The following NLGN1 variants were observed in gnomAD, a reference collection of about 807,000 sequenced individuals.
The protein encoded by NLGN1 is neuroligin 1, also known as neuroligin-1.
NLGN1 carries 12 observed loss-of-function variants against 65.5 expected under a neutral mutation model. That is an observed-to-expected ratio of 0.18 (90% CI 0.12 to 0.30). NLGN1 has a LOEUF of 0.30. NLGN1 is among the 10% of genes least tolerant of loss of function. NLGN1 has a pLI of 1.00. For missense variants in NLGN1, 750 were observed against 1,007.1 expected (o/e 0.74, Z 3.46); for synonymous variants, 350 against 359.5 (o/e 0.97, Z 0.30).
At chr3:173,502,309 A>G (rs1484883946) in intron 2 of NLGN1, among the ~76,000 whole-genome samples, 2 of 152,082 alleles carry the variant, frequency 1.3e-5, no homozygotes, top group Non-Finnish European at 2.9e-5. Flanking sequence ...CCAATTTCCA[A>G]AGTATATAAA....
intron 2 of NLGN1, among the ~76,000 whole-genome samples, chr3:173,603,985 C>T (rs1368302027): frequency 6.6e-6 from 1 of 151,992 alleles, no homozygotes; most frequent in African/African-American, 2.4e-5. Flanking sequence ...AAATTTCACA[C>T]CTAACATTCA....
chr3:173,509,283 G>T (rs1052813616), intron 2 of NLGN1, among the ~76,000 whole-genome samples: 12 of 152,126 alleles, frequency 7.9e-5, no homozygotes, highest in African/African-American at 2.9e-4. Context: ...TTAACATTTA[G>T]ATATTTTTAA....
intron 4 of NLGN1, among the ~76,000 whole-genome samples, chr3:174,104,778 T>C (rs1313666404): frequency 1.3e-5 from 2 of 152,096 alleles, no homozygotes; most frequent in African/African-American, 2.4e-5. Context: ...ATCAGGTAGG[T>C]GTGCAAGTCA....
intron 2 of NLGN1, among the ~76,000 whole-genome samples, chr3:173,566,089 G>A (rs1416193893): frequency 1.3e-5 from 2 of 152,168 alleles, no homozygotes; most frequent in South Asian, 2.1e-4. Context: ...GTGAGGTATT[G>A]TGAGGAGACG....
At chr3:174,209,829 C>T (rs11707023) in intron 4 of NLGN1, among the ~76,000 whole-genome samples, 46,476 of 151,200 alleles carry the variant, frequency 0.31, 8,324 homozygotes, top group Non-Finnish European at 0.39. Context: ...GACGGGGTTG[C>T]GCCATGTTGG....
chr3:173,617,698 T>A (rs756046574), intron 3 of NLGN1, among the ~76,000 whole-genome samples: 8 of 152,212 alleles, frequency 5.3e-5, no homozygotes, highest in Non-Finnish European at 1.0e-4. Context: ...CAGCCAGAGC[T>A]CTTGGCTTTC....
At chr3:173,992,975 A>C (rs187265436) in intron 4 of NLGN1, among the ~76,000 whole-genome samples, 3 of 152,334 alleles carry the variant, frequency 2.0e-5, no homozygotes, top group African/African-American at 7.2e-5. Flanking sequence ...AATTAAAATT[A>C]ATGATTGTGT....
intron 4 of NLGN1, among the ~76,000 whole-genome samples, chr3:173,858,192 T>A (rs1201930361): frequency 6.6e-6 from 1 of 152,098 alleles, no homozygotes; most frequent in Non-Finnish European, 1.5e-5. Flanking sequence ...CTGGAAAGAT[T>A]TCCAGCCTCT....
At chr3:174,021,066 G>T (rs1727660156) in intron 4 of NLGN1, among the ~76,000 whole-genome samples, 1 of 151,800 alleles carries the variant, frequency 6.6e-6, no homozygotes, top group Non-Finnish European at 1.5e-5. Flanking sequence ...TGCTTTTTCT[G>T]CTTGATTTCT....
chr3:173,465,197 T>A (rs1317681489), intron 2 of NLGN1, among the ~76,000 whole-genome samples: 1 of 152,226 alleles, frequency 6.6e-6, no homozygotes, highest in African/African-American at 2.4e-5. Flanking sequence ...GTCCTGCGAC[T>A]CAGGAAACTG....
chr3:174,149,998 T>G (rs372616870), intron 4 of NLGN1, among the ~76,000 whole-genome samples: 1 of 152,124 alleles, frequency 6.6e-6, no homozygotes, highest in African/African-American at 2.4e-5. Context: ...ATTCATAATC[T>G]CCAACATTTT....
At chr3:173,930,455 A>G (rs1185084890) in intron 4 of NLGN1, among the ~76,000 whole-genome samples, 2 of 152,166 alleles carry the variant, frequency 1.3e-5, no homozygotes, top group Non-Finnish European at 2.9e-5. Flanking sequence ...TACACATTGA[A>G]TGAACACTGC....
chr3:173,723,812 C>T (rs1771281756), intron 3 of NLGN1, among the ~76,000 whole-genome samples: 1 of 152,078 alleles, frequency 6.6e-6, no homozygotes, highest in African/African-American at 2.4e-5. Context: ...CACAAAGGTG[C>T]AAGCAGAGAG....
At chr3:174,140,626 G>A (rs973423863) in intron 4 of NLGN1, among the ~76,000 whole-genome samples, 1 of 151,998 alleles carries the variant, frequency 6.6e-6, no homozygotes, top group African/African-American at 2.4e-5. Context: ...TTCAGCAATG[G>A]GCTTAGCCAT....
At chr3:174,276,481 CTTTTATTGTCA>C (rs1750612494) in intron 5 of NLGN1, among the ~76,000 whole-genome samples, 2 of 151,846 alleles carry the variant, frequency 1.3e-5, no homozygotes, top group Admixed American at 1.3e-4. Flanking sequence ...AATTTCTGAT[CTTTTATTGTCA>C]TTTTATATCC....
At chr3:174,077,470 G>A (rs1265563856) in intron 4 of NLGN1, among the ~76,000 whole-genome samples, 1 of 152,084 alleles carries the variant, frequency 6.6e-6, no homozygotes, top group Non-Finnish European at 1.5e-5. Context: ...ATAAATAGTA[G>A]CAAATGATGA....
intron 3 of NLGN1, among the ~76,000 whole-genome samples, chr3:173,681,444 A>C (rs1473306100): frequency 6.6e-6 from 1 of 152,152 alleles, no homozygotes; most frequent in African/African-American, 2.4e-5. Flanking sequence ...GTTATCAGTA[A>C]TTGTAAGTAG....
At chr3:173,418,179 C>CATAATT (rs10671441) in intron 1 of NLGN1, among the ~76,000 whole-genome samples, 43,091 of 150,038 alleles carry the variant, frequency 0.29, 6,462 homozygotes, top group Middle Eastern at 0.39. Flanking sequence ...TATTAGAAGG[C>CATAATT]ATAATTATAA....
At chr3:173,926,976 T>C (rs1310918298) in intron 4 of NLGN1, among the ~76,000 whole-genome samples, 1 of 152,182 alleles carries the variant, frequency 6.6e-6, no homozygotes, top group Admixed American at 6.5e-5. Context: ...TATCCAGATG[T>C]GGCAAATGAT....
Sources: gnomAD v4.1 joint callset for allele counts (sites outside exome capture counted in the v4.1 genomes callset) on GRCh38, gnomAD v4.1.1 for gene constraint, MANE v1.5 for transcripts, NCBI Gene and HGNC (gene_info 2026-07-23, HGNC 2026-07-21) for gene names.